WWOX: variants seen among roughly 807,000 people sequenced by gnomAD.
WWOX encodes the protein WW domain-containing oxidoreductase.
Under a neutral mutation model 46.2 loss-of-function variants are expected in WWOX, and 69 were observed. That is an observed-to-expected ratio of 1.49 (90% CI 1.23 to 1.82). WWOX has a LOEUF of 1.82. WWOX is among the 40% of genes most tolerant of loss of function. The pLI is 0.00. For missense variants in WWOX, 919 were observed against 542.6 expected (o/e 1.69, Z -6.89); for synonymous variants, 359 against 202.6 (o/e 1.77, Z -6.56).
At chr16:78,771,111 G>T (rs2050053371) in intron 8 of WWOX, among the ~76,000 whole-genome samples, 1 of 152,192 alleles carries the variant, frequency 6.6e-6, no homozygotes, top group South Asian at 2.1e-4. Context: ...AGCAGGTGTG[G>T]ATGAAGGGAA....
At chr16:79,028,984 C>A (rs1484396403) in intron 8 of WWOX, among the ~76,000 whole-genome samples, 7 of 151,788 alleles carry the variant, frequency 4.6e-5, no homozygotes, top group Admixed American at 4.6e-4. Context: ...GTGGAGAACA[C>A]TCTCCATGTC....
chr16:79,100,919 G>A (rs1345161745), intron 8 of WWOX, among the ~76,000 whole-genome samples: 1 of 151,898 alleles, frequency 6.6e-6, no homozygotes, highest in Non-Finnish European at 1.5e-5. Flanking sequence ...GCACCCAACG[G>A]GGTTTTCTCC....
intron 4 of WWOX, among the ~76,000 whole-genome samples, chr16:78,127,100 C>T (rs1053722847): frequency 1.3e-5 from 2 of 152,090 alleles, no homozygotes; most frequent in African/African-American, 4.8e-5. Flanking sequence ...AGTTTTGAAA[C>T]CTGGGATAAC....
chr16:79,050,092 T>C (rs901718676), intron 8 of WWOX, among the ~76,000 whole-genome samples: 3 of 152,120 alleles, frequency 2.0e-5, no homozygotes, highest in African/African-American at 7.2e-5. Flanking sequence ...GCCAGTGACT[T>C]GGTTGCTGCT....
At chr16:78,774,496 T>TTG (rs58003207) in intron 8 of WWOX, among the ~76,000 whole-genome samples, 5,299 of 149,426 alleles carry the variant, frequency 0.035, 138 homozygotes, top group African/African-American at 0.073. Flanking sequence ...CAGACCCATT[T>TTG]TGTGTGTGTG....
chr16:78,152,631 C>G (rs773520587), intron 4 of WWOX, among the ~76,000 whole-genome samples: 2 of 152,180 alleles, frequency 1.3e-5, no homozygotes, highest in African/African-American at 4.8e-5. Flanking sequence ...TAATTGTAAT[C>G]TTTGGGCATT....
chr16:78,662,308 A>T (rs557171373), intron 8 of WWOX, among the ~76,000 whole-genome samples: 1 of 152,316 alleles, frequency 6.6e-6, no homozygotes, highest in Non-Finnish European at 1.5e-5. Flanking sequence ...ATTCACTGAG[A>T]GTGTTGGTCA....
chr16:78,220,059 AT>A, intron 5 of WWOX, among the ~76,000 whole-genome samples: 1 of 152,350 alleles, frequency 6.6e-6, no homozygotes, highest in African/African-American at 2.4e-5. Context: ...AAAATGGATT[AT>A]CCCCCTGTAG....
chr16:78,374,030 G>T (rs900093508), intron 5 of WWOX, among the ~76,000 whole-genome samples: 1 of 152,220 alleles, frequency 6.6e-6, no homozygotes, highest in African/African-American at 2.4e-5. Context: ...CAAGTGGTCT[G>T]CCCGCCTTGG....
In WWOX at chr16:78,432,747, T is replaced by C. The variant is rs1266850996; in HGVS notation, c.1051T>C (p.Ser351Pro). Reference protein sequence around the residue: ...LFTLARPFTKSMQQGAATTVY... With the variant: ...LFTLARPFTKPMQQGAATTVY... ...TACCTTGGCGAGGCCTTTCACCAAGTCCATGGTAAGAGAACAGCTTCTGGC... is the reference window on the plus strand; with the variant it reads ...TACCTTGGCGAGGCCTTTCACCAAGCCCATGGTAAGAGAACAGCTTCTGGC... The change falls in exon 8 of 9, where the codon TCC becomes CCC. Residue 351 changes from serine (S) to proline (P), a missense_variant. Coordinates refer to ENST00000566780, the MANE Select transcript of WWOX (RefSeq NM_016373.4). The C allele has an allele frequency of 6.2e-7, 1 of 1,614,116 alleles. No homozygotes were observed. The highest frequency in any genetic ancestry group is 2.2e-5 in the East Asian group (1 of 44,864).
At chr16:78,663,577 A>G (rs1053634552) in intron 8 of WWOX, among the ~76,000 whole-genome samples, 14 of 152,162 alleles carry the variant, frequency 9.2e-5, no homozygotes, top group Admixed American at 2.0e-4. Flanking sequence ...ACATTCATAT[A>G]CAAGTTTTAG....
intron 8 of WWOX, among the ~76,000 whole-genome samples, chr16:78,917,098 C>G (rs1199180425): frequency 1.3e-5 from 2 of 152,196 alleles, no homozygotes; most frequent in African/African-American, 2.4e-5. Flanking sequence ...GAAGACCAGA[C>G]TTGCTCTTTT....
At position 78,866,300 on chromosome 16, in the gene WWOX, G is replaced by T. The variant is rs568020728; in HGVS notation, c.1057-345308G>T. Among the ~76,000 whole-genome samples, 13 of 152,236 alleles carry T rather than the reference G, an allele frequency of 8.5e-5. 1 individual carries two copies. In the East Asian group the frequency reaches 2.5e-3, roughly 29 times the overall value. On this transcript the variant is annotated intron_variant, in intron 8 of 8. Transcript: ENST00000566780. ...ATTTTCTTGGAGGGAGCCACGGTCAGATTTCAAGTGGTCATTTCACTCTTT... is the reference window on the plus strand; with the variant it reads ...ATTTTCTTGGAGGGAGCCACGGTCATATTTCAAGTGGTCATTTCACTCTTT...
chr16:78,133,441 A>G (rs1432427570), intron 4 of WWOX, among the ~76,000 whole-genome samples: 1 of 152,102 alleles, frequency 6.6e-6, no homozygotes, highest in African/African-American at 2.4e-5. Context: ...TTGTATTTTT[A>G]TTAGAGACGG....
At chr16:78,999,631 C>G (rs954029560) in intron 8 of WWOX, among the ~76,000 whole-genome samples, 1 of 152,100 alleles carries the variant, frequency 6.6e-6, no homozygotes, top group Non-Finnish European at 1.5e-5. Flanking sequence ...TATTTTTTCA[C>G]TTACATTTTA....
intron 8 of WWOX, among the ~76,000 whole-genome samples, chr16:78,497,030 G>C (rs181415975): frequency 2.6e-5 from 4 of 152,356 alleles, no homozygotes; most frequent in Admixed American, 1.3e-4. Flanking sequence ...GGCAAAGTCA[G>C]AAATTATTCT....
At chr16:78,263,348 A>G (rs2079287336) in intron 5 of WWOX, among the ~76,000 whole-genome samples, 1 of 152,214 alleles carries the variant, frequency 6.6e-6, no homozygotes, top group Admixed American at 6.5e-5. Flanking sequence ...TCATGAGGCC[A>G]TCTCCGATTG....
intron 7 of WWOX, among the ~76,000 whole-genome samples, chr16:78,429,499 A>C (rs146613133): frequency 6.6e-6 from 1 of 152,336 alleles, no homozygotes; most frequent in East Asian, 1.9e-4. Context: ...GGGCTAAACA[A>C]ATATGCCAAG....
intron 8 of WWOX, among the ~76,000 whole-genome samples, chr16:78,703,915 T>C (rs567073747): frequency 8.5e-5 from 13 of 152,150 alleles, no homozygotes; most frequent in African/African-American, 1.7e-4. Context: ...TTGGAACTTA[T>C]TATTTTTAAA....
Sources: gnomAD v4.1 joint callset for allele counts (sites outside exome capture counted in the v4.1 genomes callset) on GRCh38, gnomAD v4.1.1 for gene constraint, MANE v1.5 for transcripts, NCBI Gene and HGNC (gene_info 2026-07-23, HGNC 2026-07-21) for gene names.